Variants in ADGRB3 observed in about 807,000 individuals in gnomAD.
ADGRB3 encodes the protein brain-specific angiogenesis inhibitor 3.
ADGRB3 carries 37 observed loss-of-function variants against 193.4 expected under a neutral mutation model. The ratio of observed to expected loss-of-function variants is 0.19; its 90% confidence interval spans 0.15 to 0.25. ADGRB3 has a LOEUF of 0.25. ADGRB3 is among the 10% of genes least tolerant of loss of function. The pLI, the probability that ADGRB3 is intolerant of heterozygous loss-of-function variation, is 1.00. For synonymous variants in ADGRB3, 690 were observed against 644.2 expected (o/e 1.07, Z -1.08); for missense variants, 1,637 against 1,852.9 (o/e 0.88, Z 2.14).
intron 16 of ADGRB3, among the ~76,000 whole-genome samples, chr6:69,067,365 A>T (rs1771940007): frequency 6.6e-6 from 1 of 152,152 alleles, no homozygotes; most frequent in East Asian, 1.9e-4. Context: ...ATGTGTATAA[A>T]CCAATTTTAA....
At chr6:68,879,213 C>CTTTTTTTTTTTT (rs529789046) in intron 3 of ADGRB3, among the ~76,000 whole-genome samples, 1 of 91,906 alleles carries the variant, frequency 1.1e-5, no homozygotes, top group African/African-American at 4.9e-5. Flanking sequence ...CTTTTTGTCG[C>CTTTTTTTTTTTT]TTTTTTTTTT....
chr6:69,234,801 T>A (rs971305228), intron 18 of ADGRB3, among the ~76,000 whole-genome samples: 2 of 152,116 alleles, frequency 1.3e-5, no homozygotes, highest in South Asian at 2.1e-4. Flanking sequence ...TAGCCCACCA[T>A]TTAAAACTCT....
intron 20 of ADGRB3, among the ~76,000 whole-genome samples, chr6:69,318,736 CT>C (rs1768372095): frequency 6.6e-6 from 1 of 151,084 alleles, no homozygotes; most frequent in Admixed American, 6.6e-5. Flanking sequence ...AGGACTACTT[CT>C]TCCATTATGA....
At chr6:68,953,482 AGC>A (rs1300428100) in intron 6 of ADGRB3, among the ~76,000 whole-genome samples, 10 of 152,220 alleles carry the variant, frequency 6.6e-5, no homozygotes, top group Non-Finnish European at 1.2e-4. Context: ...TCATACTGCA[AGC>A]TCAATAAATG....
Position 69,041,993 on chromosome 6 carries a change from G to A in ADGRB3, c.2108-6192G>A, listed in dbSNP as rs189522428. On this transcript the variant is annotated intron_variant, in intron 13 of 31. Transcript: ENST00000370598. ...CATAATCCCCATGTGTCCTGGGAGG[G>A]GCCAGGTGGAGATAATTGTAGCATG... 4.1e-4 allele frequency among the ~76,000 whole-genome samples: 63 copies of A among 152,230 alleles called. 1 individual carries two copies. The highest frequency in any genetic ancestry group is 6.8e-3 in the Middle Eastern group (2 of 294).
intron 11 of ADGRB3, among the ~76,000 whole-genome samples, chr6:68,994,976 C>T (rs1769343436): frequency 1.3e-5 from 2 of 152,048 alleles, no homozygotes; most frequent in Non-Finnish European, 2.9e-5. Context: ...TACTGACACC[C>T]TAATTTGTAT....
intron 8 of ADGRB3, among the ~76,000 whole-genome samples, chr6:68,963,094 T>C (rs1279060709): frequency 6.6e-6 from 1 of 152,186 alleles, no homozygotes; most frequent in Non-Finnish European, 1.5e-5. Flanking sequence ...GAGTCCATCA[T>C]GGTATTTCTC....
intron 11 of ADGRB3, among the ~76,000 whole-genome samples, chr6:69,001,891 C>T (rs1582384928): frequency 6.6e-6 from 1 of 152,286 alleles, no homozygotes; most frequent in Non-Finnish European, 1.5e-5. Flanking sequence ...CAGTTGAAAA[C>T]TAGAGTTTTC....
At chr6:69,178,205 A>G (rs930343673) in intron 17 of ADGRB3, among the ~76,000 whole-genome samples, 2 of 151,704 alleles carry the variant, frequency 1.3e-5, no homozygotes, top group Non-Finnish European at 2.9e-5. Context: ...GTCCTTTTTT[A>G]CTTTGGTTGG....
At chr6:68,722,020 A>C (rs1187926570) in intron 3 of ADGRB3, among the ~76,000 whole-genome samples, 1 of 151,620 alleles carries the variant, frequency 6.6e-6, no homozygotes, top group South Asian at 2.1e-4. Context: ...TATATTCTAC[A>C]GTTGTGTCTA....
chr6:68,657,435 A>C (rs1768516588), intron 3 of ADGRB3, among the ~76,000 whole-genome samples: 1 of 151,452 alleles, frequency 6.6e-6, no homozygotes. Flanking sequence ...AAACAGACGA[A>C]AATATGGAAA....
chr6:69,171,119 TAAG>T (rs1775260538), intron 17 of ADGRB3, among the ~76,000 whole-genome samples: 2 of 145,024 alleles, frequency 1.4e-5, no homozygotes, highest in African/African-American at 2.5e-5. Context: ...TAAAATTTAT[TAAG>T]AAGATACTTA....
intron 3 of ADGRB3, among the ~76,000 whole-genome samples, chr6:68,901,002 A>G (rs538274126): frequency 1.3e-5 from 2 of 152,300 alleles, no homozygotes; most frequent in East Asian, 1.9e-4. Flanking sequence ...TTCCATGCTC[A>G]TGGAATTATT....
intron 20 of ADGRB3, among the ~76,000 whole-genome samples, chr6:69,304,053 T>A (rs1280128877): frequency 3.3e-5 from 5 of 151,838 alleles, no homozygotes; most frequent in Non-Finnish European, 7.4e-5. Flanking sequence ...CTTCCAATAA[T>A]CTTATTCTAA....
chr6:68,878,781 G>A (rs192519628), intron 3 of ADGRB3, among the ~76,000 whole-genome samples: 43 of 152,306 alleles, frequency 2.8e-4, no homozygotes, highest in Non-Finnish European at 3.1e-4. Flanking sequence ...AAAGAAAGAG[G>A]TTTAACTGGA....
At chr6:69,317,265 C>T (rs1768333144) in intron 20 of ADGRB3, among the ~76,000 whole-genome samples, 1 of 151,258 alleles carries the variant, frequency 6.6e-6, no homozygotes, top group African/African-American at 2.4e-5. Context: ...AGAGTTTTTT[C>T]CCTTTGGGGG....
chr6:69,127,634 C>A (rs1773888227), intron 17 of ADGRB3, among the ~76,000 whole-genome samples: 1 of 152,148 alleles, frequency 6.6e-6, no homozygotes, highest in Admixed American at 6.5e-5. Context: ...ATAGCTGGAT[C>A]TTGGTGAGTA....
chr6:69,231,504 T>C (rs1310896810), intron 17 of ADGRB3, among the ~76,000 whole-genome samples: 1 of 152,218 alleles, frequency 6.6e-6, no homozygotes, highest in African/African-American at 2.4e-5. Flanking sequence ...AGTGTATCTT[T>C]CTTCTTTAAA....
At chr6:69,300,570 T>C (rs1767929241) in intron 20 of ADGRB3, among the ~76,000 whole-genome samples, 1 of 151,796 alleles carries the variant, frequency 6.6e-6, no homozygotes, top group African/African-American at 2.4e-5. Flanking sequence ...TTTAGAAATA[T>C]CTGAAGACTC....
Sources: allele counts gnomAD v4.1 joint callset (sites outside exome capture counted in the v4.1 genomes callset), GRCh38; gene constraint gnomAD v4.1.1; transcripts MANE v1.5; gene names NCBI Gene and HGNC (gene_info 2026-07-23, HGNC 2026-07-21).